The following PRPF18 variants were observed in gnomAD, a reference collection of about 807,000 sequenced individuals.
The protein encoded by PRPF18 is pre-mRNA processing factor 18.
PRPF18 carries 38 observed loss-of-function variants against 46.5 expected under a neutral mutation model. The ratio of observed to expected loss-of-function variants is 0.82; its 90% CI spans 0.63 to 1.07. The LOEUF (loss-of-function observed/expected upper bound fraction) is 1.07, where lower values mean the gene tolerates loss of function less well. Among genes scored for constraint, PRPF18 ranks in the 50% least tolerant of loss-of-function variants. The probability of loss-of-function intolerance (pLI) is 0.00; values close to 1 mark genes in which losing one functional copy is unlikely to be tolerated. For missense variants in PRPF18, 263 were observed against 410.0 expected, an observed-to-expected ratio of 0.64 and a Z score of 3.10; for synonymous variants, 152 against 146.7, an observed-to-expected ratio of 1.04 and a Z score of -0.26.
chr10:13,598,817 C>T (rs926418249), intron 2 of PRPF18, among the ~76,000 whole-genome samples: 1 of 152,192 alleles, frequency 6.6e-6, no homozygotes, highest in African/African-American at 2.4e-5. Flanking sequence ...GTTTACTCTG[C>T]TGGCTTGTGG....
At chr10:13,599,273 T>C (rs1460831976) in intron 2 of PRPF18, among the ~76,000 whole-genome samples, 1 of 152,206 alleles carries the variant, frequency 6.6e-6, no homozygotes, top group Non-Finnish European at 1.5e-5. Context: ...GTTACCTTAA[T>C]TTTACCTCAG....
chr10:13,622,214 TTC>T (rs2080430286), intron 9 of PRPF18, among the ~76,000 whole-genome samples: 1 of 130,948 alleles, frequency 7.6e-6, no homozygotes, highest in Non-Finnish European at 1.8e-5. Flanking sequence ...CCCCTTAATC[TTC>T]CTGGCATATT....
chr10:13,592,112 C>G (rs1046223703), intron 1 of PRPF18: 1 of 582,394 alleles, frequency 1.7e-6, no homozygotes, highest in African/African-American at 1.9e-5. Context: ...CTGAGTACTT[C>G]CTCTTATACA....
At chr10:13,613,958 T>C in intron 7 of PRPF18, 57 bp from the exon 8 acceptor site, 1 of 1,560,578 alleles carries the variant, frequency 6.4e-7, no homozygotes. Flanking sequence ...GCAGTCTGTT[T>C]TTTCCCTATA....
intron 9 of PRPF18, among the ~76,000 whole-genome samples, chr10:13,617,896 T>C (rs1044992593): frequency 6.6e-6 from 1 of 152,208 alleles, no homozygotes; most frequent in Non-Finnish European, 1.5e-5. Flanking sequence ...ATGAGCATAC[T>C]GTATTTGAAA....
rs116242106 is a variant in PRPF18, at chr10:13,622,024, C to T, written c.948+5471C>T. Among the ~76,000 whole-genome samples the T allele has an allele frequency of 9.9e-3, 1,489 of 150,580 alleles. 31 individuals are homozygous for T. Among genetic ancestry groups the T allele is most frequent in the African/African-American group, 0.034 (1,379 of 41,088 alleles). On this transcript the variant is annotated intron_variant, in intron 9 of 9. Coordinates refer to ENST00000378572, the MANE Select transcript of PRPF18 (RefSeq NM_003675.4). ...CATTCATGACTGCAATAAGTGATCA[C>T]AGCTTGATCTGTATGTTGCACACAC...
downstream of PRPF18, among the ~76,000 whole-genome samples, chr10:13,633,839 G>A (rs1468057392): frequency 1.3e-5 from 2 of 152,176 alleles, no homozygotes; most frequent in Admixed American, 1.3e-4. Flanking sequence ...CTTTCTCACG[G>A]TATATTGACG....
At chr10:13,602,870 C>T (rs145336572) in intron 3 of PRPF18, among the ~76,000 whole-genome samples, 1 of 152,172 alleles carries the variant, frequency 6.6e-6, no homozygotes, top group African/African-American at 2.4e-5. Context: ...GTAGCTGGGA[C>T]TGCAGGTATG....
downstream of PRPF18, among the ~76,000 whole-genome samples, chr10:13,633,205 T>A (rs2080605940): frequency 2.0e-5 from 3 of 152,160 alleles, no homozygotes; most frequent in South Asian, 4.1e-4. Flanking sequence ...AAGGGAGCGG[T>A]CCTGAGAGAC....
In PRPF18 at chr10:13,605,815, C is replaced by A. The variant is rs570431569; in HGVS notation, c.363+71C>A. The A allele has an allele frequency of 1.8e-4, 265 of 1,476,180 alleles. 1 individual carries two copies. In the African/African-American group the frequency reaches 3.5e-3, roughly 19 times the overall value. The allele number at this position is 1,476,180 out of a possible 1,614,324, so 91.4% of individuals were successfully genotyped here. Reference sequence around the variant, plus strand: ...CACTAGAATAGAGTTTGACTAATTGCATTATTGTAGGCAACAATGGAAAAG... The same window carrying A: ...CACTAGAATAGAGTTTGACTAATTGAATTATTGTAGGCAACAATGGAAAAG... On this transcript the variant is annotated intron_variant, in intron 4 of 9. Coordinates refer to ENST00000378572, the MANE Select transcript of PRPF18 (RefSeq NM_003675.4).
intron 1 of PRPF18, among the ~76,000 whole-genome samples, chr10:13,590,240 A>G (rs1340174538): frequency 2.0e-5 from 3 of 151,852 alleles, no homozygotes; most frequent in Admixed American, 6.6e-5. Flanking sequence ...TTCCAGCCAG[A>G]AGATAAGATT....
intron 9 of PRPF18, among the ~76,000 whole-genome samples, chr10:13,618,082 G>A (rs192868322): frequency 3.9e-5 from 6 of 152,122 alleles, no homozygotes; most frequent in Non-Finnish European, 8.8e-5. Flanking sequence ...GTGCTGTCCT[G>A]TCGAACCTTT....
chr10:13,633,849 G>C (rs1398589263), downstream of PRPF18, among the ~76,000 whole-genome samples: 1 of 152,158 alleles, frequency 6.6e-6, no homozygotes, highest in Non-Finnish European at 1.5e-5. Context: ...GTATATTGAC[G>C]CAAGAGCTTC....
At chr10:13,605,910 A>G (rs1343402894) in intron 4 of PRPF18, among the ~76,000 whole-genome samples, 166 bp downstream of exon 4, 1 of 152,218 alleles carries the variant, frequency 6.6e-6, no homozygotes, top group Non-Finnish European at 1.5e-5. Context: ...TATCTTAAGT[A>G]TAACATTTAA....
rs192868322 is a variant in PRPF18 at position 13,618,082 on chromosome 10, G to C, written c.948+1529G>C. On this transcript the variant is annotated intron_variant, in intron 9 of 9. Coordinates refer to ENST00000378572, the MANE Select transcript of PRPF18 (RefSeq NM_003675.4). Reference sequence around the variant, plus strand: ...GTCTTAGGGACCTCAGTGCTGTCCTGTCGAACCTTTTAATGACTGACTTGG... The same window carrying C: ...GTCTTAGGGACCTCAGTGCTGTCCTCTCGAACCTTTTAATGACTGACTTGG... 2.0e-4 allele frequency among the ~76,000 whole-genome samples: 31 copies of C among 152,240 alleles called. No individual in the cohort carries two copies. In the East Asian group the frequency reaches 5.4e-3, roughly 27 times the overall value.
chr10:13,614,818 G>C (rs1346995634), intron 8 of PRPF18, among the ~76,000 whole-genome samples: 1 of 152,206 alleles, frequency 6.6e-6, no homozygotes, highest in African/African-American at 2.4e-5. Flanking sequence ...AATGAAGAAA[G>C]AACAGAGTTT....
the PRPF18 span, chr10:13,654,592 A>T: frequency 1.2e-6 from 1 of 866,516 alleles, no homozygotes; most frequent in Non-Finnish European, 1.9e-6. Context: ...TTGTTGGCTG[A>T]CACCAACCCA....
At chr10:13,607,376 T>C (rs915669221) in intron 4 of PRPF18, among the ~76,000 whole-genome samples, 2 of 152,250 alleles carry the variant, frequency 1.3e-5, no homozygotes, top group African/African-American at 4.8e-5. Context: ...GGCTTACCTG[T>C]TCTCTTAATT....
intron 9 of PRPF18, among the ~76,000 whole-genome samples, chr10:13,616,994 A>C (rs1159434136): frequency 1.3e-5 from 2 of 152,252 alleles, no homozygotes; most frequent in African/African-American, 4.8e-5. Context: ...ACTTGGCTTT[A>C]ATGTACGTAG....
Sources: allele counts gnomAD v4.1 joint callset (sites outside exome capture counted in the v4.1 genomes callset), GRCh38; gene constraint gnomAD v4.1.1; transcripts MANE v1.5; gene names NCBI Gene and HGNC (gene_info 2026-07-23, HGNC 2026-07-21).